Variants in FLVCR1 observed in about 807,000 individuals in gnomAD.
FLVCR1 encodes choline/ethanolamine transporter FLVCR1.
A neutral mutation model predicts 53.6 loss-of-function variants in FLVCR1; 34 were observed. The ratio of observed to expected loss-of-function variants is 0.63; its 90% CI spans 0.48 to 0.84. The LOEUF (loss-of-function observed/expected upper bound fraction) is 0.84, where lower values mean the gene tolerates loss of function less well. Ranked by LOEUF, FLVCR1 falls within the 40% of genes least tolerant of loss-of-function variation. FLVCR1 has a pLI of 0.00. For synonymous variants in FLVCR1, 300 were observed against 286.3 expected, an observed-to-expected ratio of 1.05 and a Z score of -0.48; for missense variants, 677 against 696.7, an observed-to-expected ratio of 0.97 and a Z score of 0.32.
chr1:212,861,599 A>G (rs1664241511), intron 1 of FLVCR1, among the ~76,000 whole-genome samples: 1 of 152,142 alleles, frequency 6.6e-6, no homozygotes, highest in South Asian at 2.1e-4. Context: ...CAATCACAGT[A>G]CTGTATTACC....
intron 2 of FLVCR1, among the ~76,000 whole-genome samples, chr1:212,867,358 G>C (rs1318814157): frequency 1.3e-5 from 2 of 152,180 alleles, no homozygotes; most frequent in Non-Finnish European, 2.9e-5. Context: ...ATGTTTGGAG[G>C]CTTACTACAT....
chr1:212,880,433 A>G (rs1279322701), intron 3 of FLVCR1, among the ~76,000 whole-genome samples: 2 of 152,222 alleles, frequency 1.3e-5, no homozygotes, highest in Non-Finnish European at 2.9e-5. Context: ...AGGGATAGAC[A>G]TCAGATCACT....
At chr1:212,875,871 C>T (rs753044009) in intron 3 of FLVCR1, among the ~76,000 whole-genome samples, 2 of 150,398 alleles carry the variant, frequency 1.3e-5, no homozygotes, top group African/African-American at 2.4e-5. Context: ...CTTGACTATA[C>T]ATAAAAATGA....
At chr1:212,886,667 G>A (rs1396482080) in intron 5 of FLVCR1, among the ~76,000 whole-genome samples, 1 of 152,034 alleles carries the variant, frequency 6.6e-6, no homozygotes, top group East Asian at 1.9e-4. Context: ...AAGTGTGGTG[G>A]TGGGCACCTG....
At chr1:212,869,835 C>G (rs1664545227) in intron 2 of FLVCR1, among the ~76,000 whole-genome samples, 2 of 152,208 alleles carry the variant, frequency 1.3e-5, no homozygotes, top group South Asian at 4.1e-4. Flanking sequence ...CTGCGCCCAG[C>G]CAGAAGTCAG....
intron 1 of FLVCR1, among the ~76,000 whole-genome samples, chr1:212,863,226 T>C (rs1368818779): frequency 6.6e-6 from 1 of 152,226 alleles, no homozygotes; most frequent in South Asian, 2.1e-4. Context: ...ACTCAGTAAA[T>C]GTTTTTTGGA....
At chr1:212,888,201 G>A (rs888843564) in intron 6 of FLVCR1, among the ~76,000 whole-genome samples, 200 bp downstream of exon 6, 1 of 152,080 alleles carries the variant, frequency 6.6e-6, no homozygotes, top group African/African-American at 2.4e-5. Flanking sequence ...GTATACCATA[G>A]GTAAAAAATG....
chr1:212,895,093 T>G, intron 9 of FLVCR1, 40 bp downstream of exon 9: 1 of 1,390,904 alleles, frequency 7.2e-7, no homozygotes, highest in Non-Finnish European at 1.0e-6. Context: ...GAGAAGTATG[T>G]ATAGAATAAA....
chr1:212,877,052 C>T (rs1664771208), intron 3 of FLVCR1, among the ~76,000 whole-genome samples: 1 of 151,284 alleles, frequency 6.6e-6, no homozygotes, highest in Non-Finnish European at 1.5e-5. Context: ...AATGGTATCT[C>T]ATTGTGGTTT....
chr1:212,868,052 C>T (rs1305342926), intron 2 of FLVCR1, among the ~76,000 whole-genome samples: 1 of 152,122 alleles, frequency 6.6e-6, no homozygotes, highest in Non-Finnish European at 1.5e-5. Flanking sequence ...ATTCGCCCAC[C>T]TCAGCCTCTC....
rs1320419816 is a variant in FLVCR1 at position 212,897,130 on chromosome 1, C to T, written c.*1840C>T. 1 of 151,252 alleles carries T rather than the reference C, an allele frequency of 6.6e-6. No individual in the cohort carries two copies. The highest frequency in any genetic ancestry group is 2.4e-5 in the African/African-American group (1 of 41,042). 9.4% of individuals were successfully genotyped at this position (151,252 alleles called of 1,614,324 possible). A position where few individuals can be genotyped will look rare whatever the true frequency, so the allele number is the denominator to read the frequency against. ...GTTGCAGTGAGCGAAAATCACACTA[C>T]TGCACTCCAGCCTGGGAGATAAAGT... On this transcript the variant is annotated 3_prime_UTR_variant, in exon 10 of 10. Transcript: ENST00000366971.
chr1:212,875,941 C>T (rs959582533), intron 3 of FLVCR1, among the ~76,000 whole-genome samples: 1 of 151,894 alleles, frequency 6.6e-6, no homozygotes, highest in Non-Finnish European at 1.5e-5. Context: ...GGCTGGAGTG[C>T]AGTGGCGTGA....
At chr1:212,890,460 TA>T (rs5780704) in intron 8 of FLVCR1, among the ~76,000 whole-genome samples, 242 of 148,600 alleles carry the variant, frequency 1.6e-3, no homozygotes, top group African/African-American at 3.7e-3. Context: ...GCTAATGAGC[TA>T]AAAAAAAAAA....
chr1:212,891,675 C>T (rs960134536), intron 8 of FLVCR1, among the ~76,000 whole-genome samples: 1 of 152,120 alleles, frequency 6.6e-6, no homozygotes, highest in African/African-American at 2.4e-5. Context: ...TTAATACCCC[C>T]AAATTATTAC....
At chr1:212,871,867 C>T (rs982758256) in intron 2 of FLVCR1, among the ~76,000 whole-genome samples, 2 of 152,152 alleles carry the variant, frequency 1.3e-5, no homozygotes, top group Admixed American at 1.3e-4. Context: ...GTGTCAGACA[C>T]CATATACCAC....
At chr1:212,892,954 TGTG>T (rs1665231063) in intron 8 of FLVCR1, among the ~76,000 whole-genome samples, 1 of 151,988 alleles carries the variant, frequency 6.6e-6, no homozygotes, top group South Asian at 2.1e-4. Flanking sequence ...TAGCTGCAGA[TGTG>T]GTGGGAATAA....
rs780491898 is a variant in FLVCR1 at position 212,889,195 on chromosome 1, A to G, written c.1463A>G (p.Tyr488Cys). ...GCTCAAGGAAAGCTCACATCAGACT[A>G]TGGTCCTAAGGCAGGGAACATTTTT... is the stretch of plus-strand genomic sequence containing the variant. ...TLAQGKLTSD[Y>C]GPKAGNIFLC... The change falls in exon 8 of 10, where the codon TAT becomes TGT. Residue 488 changes from tyrosine (Y) to cysteine (C), a missense_variant. Physicochemically the swap from Tyr to Cys is radical, Grantham distance 194. Transcript: ENST00000366971. The G allele has an allele frequency of 6.2e-6, 10 of 1,613,958 alleles. No individual in the cohort carries two copies. The highest frequency in any genetic ancestry group is 1.7e-4 in the Middle Eastern group (1 of 6,060).
At chr1:212,866,876 C>G (rs189307890) in intron 2 of FLVCR1, among the ~76,000 whole-genome samples, 1 of 152,130 alleles carries the variant, frequency 6.6e-6, no homozygotes, top group Non-Finnish European at 1.5e-5. Flanking sequence ...AGATAGTATA[C>G]AGCTGTGATA....
At chr1:212,876,529 C>G (rs1572018696) in intron 3 of FLVCR1, among the ~76,000 whole-genome samples, 1 of 152,040 alleles carries the variant, frequency 6.6e-6, no homozygotes, top group Admixed American at 6.6e-5. Context: ...ACACGTCCAG[C>G]TAATTTTTGT....
Sources: allele counts gnomAD v4.1 joint callset (sites outside exome capture counted in the v4.1 genomes callset), GRCh38; gene constraint gnomAD v4.1.1; transcripts MANE v1.5; gene names NCBI Gene and HGNC (gene_info 2026-07-23, HGNC 2026-07-21).